The following AKAP13 variants were observed in gnomAD, a reference collection of about 807,000 sequenced individuals.
AKAP13 encodes A-kinase anchor protein 13.
Under a neutral mutation model 264.5 loss-of-function variants are expected in AKAP13, and 80 were observed. The observed-to-expected ratio is 0.30, with a 90% CI of 0.25 to 0.36. AKAP13 has a LOEUF of 0.36. Ranked by LOEUF, AKAP13 falls within the 10% of genes least tolerant of loss-of-function variation. AKAP13 has a pLI of 1.00. For missense variants in AKAP13, 3,712 were observed against 3,435.2 expected (o/e 1.08, Z -2.01); for synonymous variants, 1,380 against 1,250.2 (o/e 1.10, Z -2.19).
intron 5 of AKAP13, among the ~76,000 whole-genome samples, chr15:85,546,801 T>G (rs1211190696): frequency 6.6e-6 from 1 of 151,674 alleles, no homozygotes; most frequent in East Asian, 1.9e-4. Flanking sequence ...TGGAGTGCAG[T>G]GGCACGATCT....
At chr15:85,717,055 T>C in intron 20 of AKAP13, 1 of 445,570 alleles carries the variant, frequency 2.2e-6, no homozygotes, top group Non-Finnish European at 4.0e-6. Flanking sequence ...TATCACTTTC[T>C]TTAAAAAGGC....
At chr15:85,552,658 C>T (rs1357608330) in intron 5 of AKAP13, among the ~76,000 whole-genome samples, 2 of 118,732 alleles carry the variant, frequency 1.7e-5, no homozygotes, top group Admixed American at 2.3e-4. Flanking sequence ...GACGGAGTCT[C>T]GTTCTGTCAC....
chr15:85,427,554 A>G (rs541337739), intron 1 of AKAP13, among the ~76,000 whole-genome samples: 145 of 152,240 alleles, frequency 9.5e-4, no homozygotes, highest in African/African-American at 2.3e-3. Context: ...AACATTAACC[A>G]TGTATGTTTG....
chr15:85,531,706 C>G (rs1156298826), intron 3 of AKAP13, among the ~76,000 whole-genome samples: 1 of 152,188 alleles, frequency 6.6e-6, no homozygotes, highest in Admixed American at 6.5e-5. Flanking sequence ...ACACACCAGG[C>G]AGCGGATGCT....
intron 13 of AKAP13, among the ~76,000 whole-genome samples, chr15:85,664,982 A>G (rs11639125): frequency 0.21 from 31,356 of 152,030 alleles, 4,226 homozygotes; most frequent in Middle Eastern, 0.42. Context: ...AGGAGGATCA[A>G]TTGAGCCCAG....
Position 85,614,311 on chromosome 15 carries a change from GC to G in AKAP13, c.4162-25062del, listed in dbSNP as rs2080842892. Among the ~76,000 whole-genome samples the G allele has an allele frequency of 2.0e-5, 3 of 152,186 alleles. No individual in the cohort carries two copies. The South Asian group carries it at 6.2e-4, about 31-fold the overall frequency. On this transcript the variant is annotated intron_variant, in intron 8 of 36. Transcript: ENST00000394518. ...CTGCCAAAAGAAATAATGAATGTTTGCTCCAAAGAGAAAAGCCAGATCAGTG... is the reference window on the plus strand; with the variant it reads ...CTGCCAAAAGAAATAATGAATGTTTGTCCAAAGAGAAAAGCCAGATCAGTG...
intron 1 of AKAP13, among the ~76,000 whole-genome samples, chr15:85,398,024 G>T (rs1486201952): frequency 6.6e-6 from 1 of 152,140 alleles, no homozygotes; most frequent in African/African-American, 2.4e-5. Context: ...GCCCAGAGAG[G>T]CTGGACTTGC....
chr15:85,732,471 A>G (rs568432785), intron 30 of AKAP13, among the ~76,000 whole-genome samples: 256 of 149,478 alleles, frequency 1.7e-3, no homozygotes, highest in African/African-American at 6.0e-3. Context: ...ATATAACATT[A>G]TATGTTTTAC....
At chr15:85,459,370 T>TG (rs71138397) in intron 1 of AKAP13, among the ~76,000 whole-genome samples, 1 of 147,396 alleles carries the variant, frequency 6.8e-6, no homozygotes, top group Non-Finnish European at 1.5e-5. Flanking sequence ...TTTTTTTTTT[T>TG]GTATTTTTAG....
chr15:85,542,235 T>A (rs2077600772), intron 4 of AKAP13, among the ~76,000 whole-genome samples: 1 of 152,216 alleles, frequency 6.6e-6, no homozygotes, highest in South Asian at 2.1e-4. Context: ...GCACATGTAG[T>A]TGTTGCTTCT....
chr15:85,511,703 A>G (rs1414052486), intron 2 of AKAP13, among the ~76,000 whole-genome samples: 1 of 152,108 alleles, frequency 6.6e-6, no homozygotes, highest in East Asian at 1.9e-4. Flanking sequence ...ATCATAGCTC[A>G]CTTAGTCTGC....
chr15:85,687,120 T>G (rs1356173636), intron 16 of AKAP13, among the ~76,000 whole-genome samples: 1 of 152,168 alleles, frequency 6.6e-6, no homozygotes, highest in Non-Finnish European at 1.5e-5. Context: ...AGATGGAATT[T>G]AGAAACTGGA....
intron 19 of AKAP13, among the ~76,000 whole-genome samples, chr15:85,711,380 AC>A (rs1323681439): frequency 1.3e-5 from 2 of 151,870 alleles, no homozygotes; most frequent in African/African-American, 4.8e-5. Context: ...TCTCATTCCT[AC>A]TTTAGTATAT....
At chr15:85,442,419 A>ATATATAT (rs1199842078) in intron 1 of AKAP13, among the ~76,000 whole-genome samples, 1 of 93,144 alleles carries the variant, frequency 1.1e-5, no homozygotes, top group Non-Finnish European at 2.5e-5. Context: ...CAAAAAAAAA[A>ATATATAT]AAAAATATAT....
intron 9 of AKAP13, among the ~76,000 whole-genome samples, chr15:85,642,560 G>C (rs766791986): frequency 6.6e-6 from 1 of 152,252 alleles, no homozygotes; most frequent in Non-Finnish European, 1.5e-5. Flanking sequence ...GCCCCATGGC[G>C]TTAGGGGGTT....
In AKAP13 at chr15:85,531,052, A is replaced by C. The variant is rs149215457; in HGVS notation, c.182-2532A>C. Among the ~76,000 whole-genome samples, 217 of 152,154 alleles carry C rather than the reference A, an allele frequency of 1.4e-3. 2 individuals are homozygous for C. The highest frequency in any genetic ancestry group is 5.1e-3 in the African/African-American group (213 of 41,504). On this transcript the variant is annotated intron_variant, in intron 3 of 36. Coordinates refer to ENST00000394518, the MANE Select transcript of AKAP13 (RefSeq NM_007200.5). ...TAATTTTTATTTTTAGTACAGACAG[A>C]GTCTTGCCATGTTCGCCAGGCTGGT...
Position 85,625,532 on chromosome 15 carries a change from TG to T in AKAP13, c.4162-13841del, listed in dbSNP as rs1336747245. ...AACAGGATCCCTTTAATGAAAAAAA[TG>T]TCTGGTGGCTTTTGATTTCCTGCAG... On this transcript the variant is annotated intron_variant, in intron 8 of 36. Transcript: ENST00000394518. Among the ~76,000 whole-genome samples, 3 of 152,188 alleles carry T rather than the reference TG, an allele frequency of 2.0e-5. No individual in the cohort carries two copies. The East Asian group carries it at 5.8e-4, about 29-fold the overall frequency.
At position 85,466,039 on chromosome 15, in the gene AKAP13, G is replaced by A. The variant is rs182776250; in HGVS notation, c.-11-19671G>A. Among the ~76,000 whole-genome samples the A allele has an allele frequency of 1.4e-4, 22 of 152,266 alleles. No homozygotes were observed. In the East Asian group the frequency reaches 4.2e-3, roughly 29 times the overall value. On this transcript the variant is annotated intron_variant, in intron 1 of 36. Transcript: ENST00000394518. ...GTTGTTTCCTGACTTTTTAATGGTTGCCTTTCTAACTGGTGTGAGATGGTA... is the reference window on the plus strand; with the variant it reads ...GTTGTTTCCTGACTTTTTAATGGTTACCTTTCTAACTGGTGTGAGATGGTA...
chr15:85,651,592 G>C (rs2082852007), intron 10 of AKAP13: 1 of 152,184 alleles, frequency 6.6e-6, no homozygotes, highest in African/African-American at 2.4e-5. Flanking sequence ...TCTGTGCATT[G>C]TTCCGATTTT....
Sources: allele counts gnomAD v4.1 joint callset (sites outside exome capture counted in the v4.1 genomes callset), GRCh38; gene constraint gnomAD v4.1.1; transcripts MANE v1.5; gene names NCBI Gene and HGNC (gene_info 2026-07-23, HGNC 2026-07-21).